The following CTNNAL1 variants were observed in gnomAD, a reference collection of about 807,000 sequenced individuals.
The protein encoded by CTNNAL1 is catenin alpha like 1.
Under a neutral mutation model 93.6 loss-of-function variants are expected in CTNNAL1, and 69 were observed. The ratio of observed to expected loss-of-function variants is 0.74; its 90% CI spans 0.61 to 0.90. The LOEUF (loss-of-function observed/expected upper bound fraction) is 0.90. Ranked by LOEUF, CTNNAL1 falls within the 40% of genes least tolerant of loss-of-function variation. The probability of loss-of-function intolerance (pLI) is 0.00; values close to 1 mark genes in which losing one functional copy is unlikely to be tolerated. For missense variants in CTNNAL1, 836 were observed against 862.0 expected (o/e 0.97, Z 0.38); for synonymous variants, 286 against 305.4 (o/e 0.94, Z 0.66).
intron 1 of CTNNAL1, among the ~76,000 whole-genome samples, chr9:109,004,869 GT>G (rs1826968751): frequency 6.6e-6 from 1 of 152,006 alleles, no homozygotes; most frequent in African/African-American, 2.4e-5. Context: ...ACCATAAACA[GT>G]TTATTGTAAG....
At chr9:108,986,306 C>T (rs1220469238) in intron 4 of CTNNAL1, among the ~76,000 whole-genome samples, 1 of 150,482 alleles carries the variant, frequency 6.6e-6, no homozygotes, top group Non-Finnish European at 1.5e-5. Flanking sequence ...CGATAGTTTA[C>T]TGAGAATGAT....
intron 11 of CTNNAL1, among the ~76,000 whole-genome samples, chr9:108,959,672 CA>C (rs1310098925): frequency 6.6e-6 from 1 of 152,092 alleles, no homozygotes; most frequent in African/African-American, 2.4e-5. Context: ...ATATTATAAA[CA>C]TTAAAAATAG....
intron 1 of CTNNAL1, among the ~76,000 whole-genome samples, chr9:109,009,718 T>C (rs1588000063): frequency 6.6e-6 from 1 of 152,262 alleles, no homozygotes; most frequent in African/African-American, 2.4e-5. Flanking sequence ...TATCAAGTTC[T>C]ACTGAAAAAT....
chr9:108,983,466 T>A (rs1382552711), intron 5 of CTNNAL1, 151 bp from the exon 6 acceptor site: 1 of 879,224 alleles, frequency 1.1e-6, no homozygotes. Context: ...CTCACTAAAG[T>A]GGAAGCAGGA....
chr9:108,968,536 C>T (rs1206617473), intron 10 of CTNNAL1, among the ~76,000 whole-genome samples: 1 of 152,218 alleles, frequency 6.6e-6, no homozygotes, highest in East Asian at 1.9e-4. Flanking sequence ...TATTGGAATA[C>T]TTTTGCAGCC....
At chr9:109,005,647 T>C (rs1049148049) in intron 1 of CTNNAL1, among the ~76,000 whole-genome samples, 3 of 152,204 alleles carry the variant, frequency 2.0e-5, no homozygotes, top group Non-Finnish European at 2.9e-5. Flanking sequence ...CTACCCAGCC[T>C]ACATAACTGT....
intron 1 of CTNNAL1, among the ~76,000 whole-genome samples, chr9:109,004,513 C>T (rs565288176): frequency 1.1e-4 from 16 of 152,200 alleles, no homozygotes; most frequent in Admixed American, 9.2e-4. Flanking sequence ...GTTGGCTGGG[C>T]GCAGTGGCTC....
At chr9:108,964,948 C>T (rs1049415609) in intron 11 of CTNNAL1, among the ~76,000 whole-genome samples, 56 of 151,994 alleles carry the variant, frequency 3.7e-4, no homozygotes, top group African/African-American at 1.1e-3. Flanking sequence ...CTGCAACCTC[C>T]GCCTCCCGGG....
Position 108,999,060 on chromosome 9 carries a change from C to T in CTNNAL1, c.331+7G>A, listed in dbSNP as rs1478804781. 1.9e-6 allele frequency: 3 copies of T among 1,595,970 alleles called. No individual in the cohort carries two copies. Among genetic ancestry groups the T allele is most frequent in the East Asian group, 2.2e-5 (1 of 44,526 alleles). ...ATGAATAGTCTTCAAAATCAATATC[C>T]ACCTACCTGCTTGTTTAGCTTCAAT... is the stretch of plus-strand genomic sequence containing the variant. On this transcript the variant is annotated splice_region_variant and intron_variant, in intron 2 of 18. Coordinates refer to ENST00000325551, the MANE Select transcript of CTNNAL1 (RefSeq NM_003798.4).
At chr9:108,946,285 G>A (rs1341642602) in intron 15 of CTNNAL1, among the ~76,000 whole-genome samples, 13 of 141,904 alleles carry the variant, frequency 9.2e-5, no homozygotes, top group Non-Finnish European at 1.2e-4. Context: ...ACAACAGAGC[G>A]AGACTAAGTC....
intron 6 of CTNNAL1, among the ~76,000 whole-genome samples, chr9:108,982,846 G>A (rs1831477162): frequency 6.6e-6 from 1 of 152,212 alleles, no homozygotes; most frequent in Non-Finnish European, 1.5e-5. Flanking sequence ...GGGAGGCCCA[G>A]GCGGGTAGAT....
chr9:109,007,266 T>C (rs942798538), intron 1 of CTNNAL1, among the ~76,000 whole-genome samples: 7 of 151,866 alleles, frequency 4.6e-5, no homozygotes, highest in African/African-American at 1.7e-4. Context: ...AAAACACGCA[T>C]GTATTCACAT....
chr9:108,976,993 ATTT>A lies in CTNNAL1; in HGVS notation c.1154_1156del (p.Lys385del). The stretch of plus-strand genomic sequence containing the variant: ...CTTAAGTTCATTAAGACTGTGACTG[ATTT>A]TCAAAATACTGAGTTCCAGTTCTTC... On this transcript the variant is annotated inframe_deletion, in exon 8 of 19. Coordinates refer to ENST00000325551, the MANE Select transcript of CTNNAL1 (RefSeq NM_003798.4). 1 of 1,520,692 alleles carries A rather than the reference ATTT, an allele frequency of 6.6e-7. No individual in the cohort carries two copies. The highest frequency in any genetic ancestry group is 8.8e-7 in the Non-Finnish European group (1 of 1,135,768). 94.2% of individuals were successfully genotyped at this position (1,520,692 alleles called of 1,614,324 possible). A position where few individuals can be genotyped will look rare whatever the true frequency, so the allele number is the denominator to read the frequency against.
At chr9:108,990,879 G>C in intron 3 of CTNNAL1, 34 bp from the exon 4 acceptor site, 2 of 1,597,478 alleles carry the variant, frequency 1.3e-6, no homozygotes, top group Non-Finnish European at 1.7e-6. Context: ...TATTTGGTGA[G>C]AGCTACTCAA....
chr9:108,946,540 C>A (rs1328214518), intron 15 of CTNNAL1, among the ~76,000 whole-genome samples: 2 of 152,198 alleles, frequency 1.3e-5, no homozygotes, highest in East Asian at 3.8e-4. Flanking sequence ...TTAGAGAGGT[C>A]TTTTCTGACC....
intron 4 of CTNNAL1, among the ~76,000 whole-genome samples, chr9:108,987,844 T>A (rs1831664480): frequency 6.6e-6 from 1 of 152,190 alleles, no homozygotes. Flanking sequence ...GTTATTGGTG[T>A]ATAAGAATGC....
chr9:108,992,916 T>G, intron 2 of CTNNAL1, 97 bp from the exon 3 acceptor site: 1 of 1,327,478 alleles, frequency 7.5e-7, no homozygotes. Flanking sequence ...GAGGAGAAAC[T>G]CAGCTTTGGA....
chr9:108,958,517 G>A (rs1191551035), intron 11 of CTNNAL1, among the ~76,000 whole-genome samples: 1 of 151,848 alleles, frequency 6.6e-6, no homozygotes, highest in East Asian at 1.9e-4. Context: ...TGATTTATAC[G>A]AATTTGAGGA....
At position 108,952,207 on chromosome 9, in the gene CTNNAL1, A is replaced by G; in HGVS notation, c.1835+2T>C. On this transcript the variant is annotated splice_donor_variant, in intron 14 of 18. Coordinates refer to ENST00000325551, the MANE Select transcript of CTNNAL1 (RefSeq NM_003798.4). LOFTEE classifies it high-confidence loss of function. The stretch of plus-strand genomic sequence containing the variant: ...AAAAAATAAAAATACAACTACATTT[A>G]CCTAGTAAATAAATACAGAGAATAG... 6.2e-7 allele frequency: 1 copy of G among 1,604,832 alleles called. No homozygotes were observed. The highest frequency in any genetic ancestry group is 1.1e-5 in the South Asian group (1 of 89,116).
Sources: gnomAD v4.1 joint callset for allele counts (sites outside exome capture counted in the v4.1 genomes callset) on GRCh38, gnomAD v4.1.1 for gene constraint, MANE v1.5 for transcripts, NCBI Gene and HGNC (gene_info 2026-07-23, HGNC 2026-07-21) for gene names.